CCDC126: variants seen among roughly 807,000 people sequenced by gnomAD.
CCDC126 encodes the protein coiled-coil domain-containing protein 126.
A neutral mutation model predicts 11.7 loss-of-function variants in CCDC126; 5 were observed. That is an observed-to-expected ratio of 0.43 (90% CI 0.22 to 0.90). The LOEUF (loss-of-function observed/expected upper bound fraction) is 0.90. Ranked by LOEUF, CCDC126 falls within the 40% of genes least tolerant of loss-of-function variation. The pLI is 0.27. For missense variants in CCDC126, 150 were observed against 163.1 expected (o/e 0.92, Z 0.44); for synonymous variants, 60 against 61.9 (o/e 0.97, Z 0.14).
At chr7:23,598,302 C>A (rs191996006) in intron 2 of CCDC126, 158 of 152,378 alleles carry the variant, frequency 1.0e-3, no homozygotes, top group African/African-American at 3.6e-3. Context: ...GTGATACTTT[C>A]ATTAGCTATG....
At chr7:23,628,825 G>A (rs1783057197) in intron 3 of CCDC126, among the ~76,000 whole-genome samples, 4 of 152,158 alleles carry the variant, frequency 2.6e-5, no homozygotes, top group African/African-American at 9.7e-5. Flanking sequence ...GTGAGTATGA[G>A]GCCATCCCCA....
intron 3 of CCDC126, among the ~76,000 whole-genome samples, chr7:23,622,165 C>G (rs1782916241): frequency 6.6e-6 from 1 of 152,124 alleles, no homozygotes; most frequent in African/African-American, 2.4e-5. Flanking sequence ...GGTACCAGCT[C>G]CTCCTTGTAC....
rs550707892 is a variant in CCDC126, at chr7:23,628,377, A to G, written c.239-14554A>G. On this transcript the variant is annotated intron_variant, in intron 3 of 3. Coordinates refer to ENST00000307471, the MANE Select transcript of CCDC126 (RefSeq NM_138771.4). ...AGAAGTCAGCAACCTAGATACTGCC[A>G]ACAGGCAAAGACAGAAAAAGCCCCA... 2.0e-5 allele frequency among the ~76,000 whole-genome samples: 3 copies of G among 152,346 alleles called. No individual in the cohort carries two copies. In the South Asian group the frequency reaches 6.2e-4, roughly 32 times the overall value.
intron 2 of CCDC126, among the ~76,000 whole-genome samples, chr7:23,604,726 G>T (rs1234882525): frequency 6.6e-6 from 1 of 152,120 alleles, no homozygotes; most frequent in Non-Finnish European, 1.5e-5. Context: ...GCCAGGTGCG[G>T]TGGCTCACAC....
intron 3 of CCDC126, among the ~76,000 whole-genome samples, chr7:23,642,148 A>T (rs990435565): frequency 6.6e-6 from 1 of 152,086 alleles, no homozygotes; most frequent in Non-Finnish European, 1.5e-5. Context: ...AGTAGCTGGG[A>T]CCACGGGCGC....
intron 2 of CCDC126, among the ~76,000 whole-genome samples, chr7:23,608,637 T>C (rs566640131): frequency 6.6e-6 from 1 of 152,268 alleles, no homozygotes; most frequent in East Asian, 1.9e-4. Context: ...ATGATGATAA[T>C]GGCAGTTGTC....
chr7:23,611,802 C>G (rs1477850402), intron 3 of CCDC126, among the ~76,000 whole-genome samples: 2 of 152,140 alleles, frequency 1.3e-5, no homozygotes, highest in Non-Finnish European at 2.9e-5. Context: ...AATATTTAAA[C>G]TATAGAAATT....
In CCDC126 at chr7:23,635,519, G is replaced by T. The variant is rs150677912; in HGVS notation, c.239-7412G>T. ...GAATATAGAGAAAGGAGGATGTTTG[G>T]TGTATTTGAAAGAACTCCAAGAAAT... On this transcript the variant is annotated intron_variant, in intron 3 of 3. Coordinates refer to ENST00000307471, the MANE Select transcript of CCDC126 (RefSeq NM_138771.4). Among the ~76,000 whole-genome samples the T allele has an allele frequency of 7.5e-3, 1,138 of 152,282 alleles. 21 individuals carry two copies. Among genetic ancestry groups the T allele is most frequent in the African/African-American group, 0.026 (1,064 of 41,538 alleles).
intron 3 of CCDC126, 67 bp from the exon 4 acceptor site, chr7:23,642,864 C>G: frequency 7.2e-7 from 1 of 1,388,060 alleles, no homozygotes; most frequent in East Asian, 2.3e-5. Context: ...CTTTTTCCTT[C>G]AAACTGTAAA....
At chr7:23,609,501 C>T (rs1447001246) in intron 2 of CCDC126, among the ~76,000 whole-genome samples, 1 of 152,028 alleles carries the variant, frequency 6.6e-6, no homozygotes, top group African/African-American at 2.4e-5. Flanking sequence ...ATTTATTAGT[C>T]CTGCAAAGGT....
chr7:23,615,579 C>A lies in CCDC126; in HGVS notation c.238+4026C>A, dbSNP rs148978266. Among the ~76,000 whole-genome samples the A allele has an allele frequency of 3.2e-4, 49 of 152,354 alleles. No individual in the cohort carries two copies. The East Asian group carries it at 7.5e-3, about 23-fold the overall frequency. The stretch of plus-strand genomic sequence containing the variant: ...CCTATCTCAGCTTTCAACATGCCTT[C>A]CTCACTAAATTTAATCATTTCTGGC... On this transcript the variant is annotated intron_variant, in intron 3 of 3. Transcript: ENST00000307471.
intron 3 of CCDC126, among the ~76,000 whole-genome samples, chr7:23,622,273 T>A (rs1366685467): frequency 6.6e-6 from 1 of 152,244 alleles, no homozygotes; most frequent in Admixed American, 6.5e-5. Context: ...GTTATTGGTG[T>A]ATTCAGAGAT....
intron 3 of CCDC126, among the ~76,000 whole-genome samples, chr7:23,622,020 A>G (rs1040315364): frequency 6.6e-6 from 1 of 152,170 alleles, no homozygotes; most frequent in African/African-American, 2.4e-5. Flanking sequence ...GTTGTTCATC[A>G]GGGATATTGG....
chr7:23,606,857 G>T (rs1353855712), intron 2 of CCDC126, among the ~76,000 whole-genome samples: 3 of 152,034 alleles, frequency 2.0e-5, no homozygotes, highest in Non-Finnish European at 4.4e-5. Flanking sequence ...GATCACGTGA[G>T]GCCAGGTGAT....
At chr7:23,603,087 C>T (rs573169345) in intron 2 of CCDC126, among the ~76,000 whole-genome samples, 1 of 152,270 alleles carries the variant, frequency 6.6e-6, no homozygotes, top group Admixed American at 6.5e-5. Context: ...CCACCCTCCA[C>T]CTCCAATTCT....
rs752344337 is a variant in CCDC126 at position 23,611,468 on chromosome 7, C to G, written c.153C>G (p.Asp51Glu). 6.2e-6 allele frequency: 10 copies of G among 1,613,844 alleles called. No homozygotes were observed. Among genetic ancestry groups the G allele is most frequent in the Non-Finnish European group, 7.6e-6 (9 of 1,179,944 alleles). ...SSVKLREQIL[D>E]LSKRYVKALA... ...TCAAGTTACGTGAGCAAATACTAGA[C>G]TTAAGCAAAAGATATGTTAAAGCTC... Residue 51 changes from aspartate (D) to glutamate (E), a missense_variant, in exon 3 of 4, where the codon GAC becomes GAG. Physicochemically the swap from Asp to Glu is conservative, Grantham distance 45 (BLOSUM62 2). Transcript: ENST00000307471.
chr7:23,637,424 G>A (rs1783250891), intron 3 of CCDC126, among the ~76,000 whole-genome samples: 1 of 77,396 alleles, frequency 1.3e-5, no homozygotes, highest in African/African-American at 5.0e-5. Context: ...CCGTCCGGGA[G>A]GGAGGTGGGG....
At chr7:23,608,512 G>A (rs1218859570) in intron 2 of CCDC126, among the ~76,000 whole-genome samples, 1 of 152,058 alleles carries the variant, frequency 6.6e-6, no homozygotes, top group Non-Finnish European at 1.5e-5. Flanking sequence ...ATCAGCTGTC[G>A]TTAGTGTTAG....
chr7:23,628,322 T>C (rs1163733553), intron 3 of CCDC126, among the ~76,000 whole-genome samples: 2 of 152,180 alleles, frequency 1.3e-5, no homozygotes, highest in African/African-American at 4.8e-5. Flanking sequence ...AGTGGTATGT[T>C]CCCTGTGTGT....
Sources: gnomAD v4.1 joint callset for allele counts (sites outside exome capture counted in the v4.1 genomes callset) on GRCh38, gnomAD v4.1.1 for gene constraint, MANE v1.5 for transcripts, NCBI Gene and HGNC (gene_info 2026-07-23, HGNC 2026-07-21) for gene names.